The following SORCS3 variants were observed in gnomAD, a reference collection of about 807,000 sequenced individuals.
SORCS3 encodes the protein VPS10 domain-containing receptor SorCS3.
Under a neutral mutation model 146.3 loss-of-function variants are expected in SORCS3, and 57 were observed. The ratio of observed to expected loss-of-function variants is 0.39; its 90% CI spans 0.31 to 0.49. The LOEUF is 0.49. Among genes scored for constraint, SORCS3 ranks in the 20% least tolerant of loss-of-function variants. The pLI is 0.92. For synonymous variants in SORCS3, 653 were observed against 618.5 expected, an observed-to-expected ratio of 1.06 and a Z score of -0.83; for missense variants, 1,341 against 1,575.5, an observed-to-expected ratio of 0.85 and a Z score of 2.52.
chr10:104,785,047 C>G (rs1481500513), intron 1 of SORCS3, among the ~76,000 whole-genome samples: 1 of 152,034 alleles, frequency 6.6e-6, no homozygotes, highest in Non-Finnish European at 1.5e-5. Context: ...CCCTCACCTC[C>G]CGGATGGGGC....
chr10:104,759,982 G>T (rs1020488155), intron 1 of SORCS3, among the ~76,000 whole-genome samples: 2 of 152,228 alleles, frequency 1.3e-5, no homozygotes, highest in Non-Finnish European at 2.9e-5. Flanking sequence ...GGAAGCAAGG[G>T]ACAGCTAGAG....
intron 1 of SORCS3, among the ~76,000 whole-genome samples, chr10:104,717,493 G>C (rs1316230200): frequency 6.6e-6 from 1 of 152,094 alleles, no homozygotes; most frequent in Admixed American, 6.5e-5. Context: ...GTTGCCTGCT[G>C]TCTGTGTGAG....
chr10:104,781,737 G>A (rs914417554), intron 1 of SORCS3, among the ~76,000 whole-genome samples: 2 of 152,240 alleles, frequency 1.3e-5, no homozygotes, highest in Non-Finnish European at 2.9e-5. Flanking sequence ...ATTCCATAAT[G>A]TAACAGCATA....
intron 4 of SORCS3, among the ~76,000 whole-genome samples, chr10:105,019,770 T>C (rs951222719): frequency 6.6e-6 from 1 of 152,228 alleles, no homozygotes; most frequent in African/African-American, 2.4e-5. Context: ...CTTATCATCA[T>C]TGTGACTCTT....
At chr10:105,125,496 G>A (rs532028258) in intron 7 of SORCS3, among the ~76,000 whole-genome samples, 7 of 152,254 alleles carry the variant, frequency 4.6e-5, no homozygotes, top group Admixed American at 2.0e-4. Flanking sequence ...TTTGGCACCA[G>A]AGCCTTCTTT....
chr10:105,134,554 GGAA>G (rs2056045206), intron 7 of SORCS3, among the ~76,000 whole-genome samples: 9 of 109,340 alleles, frequency 8.2e-5, no homozygotes, highest in Non-Finnish European at 1.8e-4. Context: ...GGGACAAAAA[GGAA>G]AAAAAAAAAA....
intron 3 of SORCS3, among the ~76,000 whole-genome samples, chr10:104,932,534 C>T (rs1589554790): frequency 6.6e-6 from 1 of 152,324 alleles, no homozygotes; most frequent in East Asian, 1.9e-4. Context: ...CAGAAACTTT[C>T]AGCAGCTTCC....
intron 2 of SORCS3, among the ~76,000 whole-genome samples, chr10:104,903,240 A>G (rs1225252266): frequency 1.3e-5 from 2 of 152,196 alleles, no homozygotes; most frequent in African/African-American, 4.8e-5. Context: ...GTTTTGTATA[A>G]AGCACTATGC....
chr10:104,859,559 T>C (rs958324241), intron 2 of SORCS3, among the ~76,000 whole-genome samples: 1 of 152,100 alleles, frequency 6.6e-6, no homozygotes, highest in Non-Finnish European at 1.5e-5. Context: ...AAAGCCAAAA[T>C]TGACAAATGG....
At chr10:104,649,127 G>C (rs2015529864) in intron 1 of SORCS3, among the ~76,000 whole-genome samples, 1 of 152,134 alleles carries the variant, frequency 6.6e-6, no homozygotes, top group African/African-American at 2.4e-5. Context: ...CATATTTGTG[G>C]AGAGATTTCA....
Position 104,861,950 on chromosome 10 carries a change from G to A in SORCS3, c.695+19091G>A, listed in dbSNP as rs182357318. On this transcript the variant is annotated intron_variant, in intron 2 of 26. Transcript: ENST00000369701. ...TCACCTTACCTCTGCCTTTATCTCCGCATGTGTGCCTGTGTCCAAATTTCC... is the reference window on the plus strand; with the variant it reads ...TCACCTTACCTCTGCCTTTATCTCCACATGTGTGCCTGTGTCCAAATTTCC... Among the ~76,000 whole-genome samples, 19 of 152,180 alleles carry A rather than the reference G, an allele frequency of 1.2e-4. No individual in the cohort carries two copies. The East Asian group carries it at 3.3e-3, about 26-fold the overall frequency.
At chr10:105,003,428 T>C (rs1451872249) in intron 4 of SORCS3, among the ~76,000 whole-genome samples, 1 of 152,116 alleles carries the variant, frequency 6.6e-6, no homozygotes, top group Non-Finnish European at 1.5e-5. Context: ...TCTGCCTCAG[T>C]TTCCTCATCT....
intron 1 of SORCS3, among the ~76,000 whole-genome samples, chr10:104,751,969 A>ATATATG (rs3976798): frequency 8.1e-6 from 1 of 123,370 alleles, no homozygotes; most frequent in African/African-American, 2.9e-5. Context: ...ATATATATAT[A>ATATATG]ATAGTTTAGC....
chr10:104,704,061 T>C (rs1385442579), intron 1 of SORCS3, among the ~76,000 whole-genome samples: 2 of 152,130 alleles, frequency 1.3e-5, no homozygotes, highest in Non-Finnish European at 2.9e-5. Flanking sequence ...TAAATATCAC[T>C]GAACAGGAGG....
rs892189028 is a variant in SORCS3, at chr10:104,691,850, C to T, written c.627+49896C>T. ...CAAACTCCTGGGCTCAAGTGATCCTCCCACCTCAGCCTCCTAAGTAGCTAG... is the reference window on the plus strand; with the variant it reads ...CAAACTCCTGGGCTCAAGTGATCCTTCCACCTCAGCCTCCTAAGTAGCTAG... On this transcript the variant is annotated intron_variant, in intron 1 of 26. Transcript: ENST00000369701. Among the ~76,000 whole-genome samples, 17 of 152,262 alleles carry T rather than the reference C, an allele frequency of 1.1e-4. No homozygotes were observed. In the East Asian group the frequency reaches 2.9e-3, roughly 26 times the overall value.
intron 11 of SORCS3, among the ~76,000 whole-genome samples, chr10:105,160,832 C>T (rs2056256069): frequency 6.6e-6 from 1 of 152,162 alleles, no homozygotes; most frequent in Non-Finnish European, 1.5e-5. Context: ...AACTTGTCCT[C>T]CTGCTTTCCA....
chr10:104,806,059 C>T (rs776290757), intron 1 of SORCS3, among the ~76,000 whole-genome samples: 1 of 152,118 alleles, frequency 6.6e-6, no homozygotes, highest in Non-Finnish European at 1.5e-5. Flanking sequence ...ATATTTTTGG[C>T]CACTTTTTTA....
At chr10:105,109,537 T>C (rs1399872372) in intron 7 of SORCS3, among the ~76,000 whole-genome samples, 2 of 152,150 alleles carry the variant, frequency 1.3e-5, no homozygotes, top group Admixed American at 6.6e-5. Flanking sequence ...CAAGAAAGGC[T>C]AATTCTTGAA....
At chr10:105,228,425 G>GCTTT (rs2056747246) in intron 20 of SORCS3, among the ~76,000 whole-genome samples, 1 of 138,490 alleles carries the variant, frequency 7.2e-6, no homozygotes, top group African/African-American at 2.7e-5. Flanking sequence ...TCTGTTTCTT[G>GCTTT]CTTTCTTTCT....
Sources: allele counts gnomAD v4.1 joint callset (sites outside exome capture counted in the v4.1 genomes callset), GRCh38; gene constraint gnomAD v4.1.1; transcripts MANE v1.5; gene names NCBI Gene and HGNC (gene_info 2026-07-23, HGNC 2026-07-21).